Variants in ETV5 observed in about 807,000 individuals in gnomAD.
ETV5 encodes ETS translocation variant 5.
In ETV5, 10 loss-of-function variants were observed where a neutral mutation model predicts 70.0. The ratio of observed to expected loss-of-function variants is 0.14; its 90% CI spans 0.09 to 0.24. The LOEUF (loss-of-function observed/expected upper bound fraction) is 0.24. Among genes scored for constraint, ETV5 ranks in the 10% least tolerant of loss-of-function variants. The probability of loss-of-function intolerance (pLI) is 1.00; values close to 1 mark genes in which losing one functional copy is unlikely to be tolerated. For missense variants in ETV5, 453 were observed against 651.2 expected (o/e 0.70, Z 3.31); for synonymous variants, 216 against 242.2 (o/e 0.89, Z 1.01).
chr3:186,091,636 G>T (rs1289110099), intron 5 of ETV5, among the ~76,000 whole-genome samples: 1 of 152,206 alleles, frequency 6.6e-6, no homozygotes, highest in African/African-American at 2.4e-5. Flanking sequence ...GAGGCTTCAG[G>T]AACTGGTGTG....
chr3:186,108,481 G>A lies in ETV5; in HGVS notation c.-75+459C>T, dbSNP rs1046599244. On this transcript the variant is annotated intron_variant, in intron 1 of 12. Transcript: ENST00000306376. ...CCTGTGTCATTTACCCCCTCCCGGTGCTCTGGGGGGCAGCGCCTCTCAGAC... is the reference window on the plus strand; with the variant it reads ...CCTGTGTCATTTACCCCCTCCCGGTACTCTGGGGGGCAGCGCCTCTCAGAC... The A allele has an allele frequency of 2.3e-5, 29 of 1,276,406 alleles. No individual in the cohort carries two copies. The Admixed American group carries it at 2.8e-4, about 12-fold the overall frequency. The allele number at this position is 1,276,406 out of a possible 1,614,324, so 79.1% of individuals were successfully genotyped here.
At chr3:186,089,840 C>T (rs1485858221) in intron 5 of ETV5, among the ~76,000 whole-genome samples, 1 of 152,162 alleles carries the variant, frequency 6.6e-6, no homozygotes, top group African/African-American at 2.4e-5. Context: ...CCATTATCAA[C>T]ATTGCTAAAG....
intron 1 of ETV5, chr3:186,108,715 C>T: frequency 9.0e-7 from 1 of 1,115,172 alleles, no homozygotes; most frequent in Non-Finnish European, 1.1e-6. Flanking sequence ...CCGCTCTCCC[C>T]GCGCTCCGGA....
chr3:186,099,431 A>G (rs964009755), intron 5 of ETV5, among the ~76,000 whole-genome samples: 2 of 152,230 alleles, frequency 1.3e-5, no homozygotes, highest in Admixed American at 6.5e-5. Context: ...CAAGCCTCTG[A>G]GCTCCTTGGA....
chr3:186,103,082 C>A (rs1714497637), intron 5 of ETV5, among the ~76,000 whole-genome samples: 1 of 152,116 alleles, frequency 6.6e-6, no homozygotes, highest in African/African-American at 2.4e-5. Flanking sequence ...ATTAGAAGAC[C>A]TTTTCTAGGC....
Position 186,047,872 on chromosome 3 carries a change from A to C in ETV5, c.*767T>G, listed in dbSNP as rs1484522484. Reference sequence around the variant, plus strand: ...AAACTGTTTTTCCAAAACAACCACCAAAACAAAACAATCCCCCAAATCAGG... The same window carrying C: ...AAACTGTTTTTCCAAAACAACCACCCAAACAAAACAATCCCCCAAATCAGG... On this transcript the variant is annotated 3_prime_UTR_variant, in exon 13 of 13. Transcript: ENST00000306376. The C allele has an allele frequency of 4.7e-5, 11 of 233,564 alleles. No homozygotes were observed. The highest frequency in any genetic ancestry group is 2.4e-4 in the African/African-American group (11 of 45,372). The allele number at this position is 233,564 out of a possible 1,614,324, so 14.5% of individuals were successfully genotyped here. A position where few individuals can be genotyped will look rare whatever the true frequency, so the allele number is the denominator to read the frequency against.
At chr3:186,093,032 T>C (rs1012750147) in intron 5 of ETV5, among the ~76,000 whole-genome samples, 3 of 152,198 alleles carry the variant, frequency 2.0e-5, no homozygotes, top group South Asian at 2.1e-4. Flanking sequence ...ACCAGTGTTA[T>C]GATATTTTAT....
intron 1 of ETV5, chr3:186,108,733 GC>G: frequency 9.7e-7 from 1 of 1,030,692 alleles, no homozygotes; most frequent in Non-Finnish European, 1.2e-6. Context: ...GGAACCGTTA[GC>G]CGCACCCGCC....
intron 5 of ETV5, among the ~76,000 whole-genome samples, chr3:186,101,577 T>C (rs898396349): frequency 2.0e-5 from 3 of 152,220 alleles, no homozygotes; most frequent in African/African-American, 7.2e-5. Context: ...GAGTGCTGAA[T>C]TGGACAGCCA....
chr3:186,071,036 T>C (rs908219913), intron 7 of ETV5, among the ~76,000 whole-genome samples: 2 of 152,176 alleles, frequency 1.3e-5, no homozygotes. Flanking sequence ...TTTAAAGAAC[T>C]AGTTATTTAT....
At chr3:186,063,218 G>C (rs1252350647) in intron 9 of ETV5, among the ~76,000 whole-genome samples, 1 of 151,988 alleles carries the variant, frequency 6.6e-6, no homozygotes, top group Non-Finnish European at 1.5e-5. Flanking sequence ...TGCAGTGAGC[G>C]GAGATCATGC....
intron 1 of ETV5, among the ~76,000 whole-genome samples, chr3:186,108,132 C>T (rs1714640254): frequency 6.7e-6 from 1 of 150,244 alleles, no homozygotes. Context: ...CCCCCACCCC[C>T]AACATCTCTC....
In ETV5 at chr3:186,065,830, T is replaced by A. The variant is rs1713428019; in HGVS notation, c.893A>T (p.Asp298Val). The change falls in exon 8 of 13, where the codon GAT becomes GTT. Residue 298 changes from aspartate to valine, a missense_variant. Physicochemically the swap from Asp to Val is radical, Grantham distance 152. Transcript: ENST00000306376. ...SPMGIKQEPRDYCVDSEVPNC... is the reference protein window; with the variant it reads ...SPMGIKQEPRVYCVDSEVPNC... Reference sequence around the variant, plus strand: ...ATGCTGACCTGAATCGACGCAGTAATCCCGAGGCTCCTGCTTGATTCCCAT... The same window carrying A: ...ATGCTGACCTGAATCGACGCAGTAAACCCGAGGCTCCTGCTTGATTCCCAT... 2 of 1,613,988 alleles carry A rather than the reference T, an allele frequency of 1.2e-6. No homozygotes were observed. The highest frequency in any genetic ancestry group is 1.7e-6 in the Non-Finnish European group (2 of 1,180,032).
At chr3:186,073,454 C>T (rs1205075196) in intron 7 of ETV5, among the ~76,000 whole-genome samples, 1 of 152,138 alleles carries the variant, frequency 6.6e-6, no homozygotes, top group Non-Finnish European at 1.5e-5. Flanking sequence ...TGAGTGCCTG[C>T]CTGAGGTCAC....
intron 5 of ETV5, among the ~76,000 whole-genome samples, chr3:186,094,705 T>G (rs1351416092): frequency 2.6e-5 from 4 of 152,230 alleles, no homozygotes; most frequent in African/African-American, 9.6e-5. Context: ...GCTCAAGTAT[T>G]AGCACATACG....
rs10534124 is a variant in ETV5 at position 186,103,620 on chromosome 3, AACACACACACACACACAC to A, written c.232+1667_232+1684del. The stretch of plus-strand genomic sequence containing the variant: ...TACAAACCCTGTCTTTCATCTTGCA[AACACACACACACACACAC>A]ACACACACACACACACACACACACA... On this transcript the variant is annotated intron_variant, in intron 5 of 12. Coordinates refer to ENST00000306376, the MANE Select transcript of ETV5 (RefSeq NM_004454.3). 8.8e-3 allele frequency among the ~76,000 whole-genome samples: 1,256 copies of A among 142,956 alleles called. 36 individuals are homozygous for A. The highest frequency in any genetic ancestry group is 0.041 in the Admixed American group (596 of 14,606). The allele number at this position is 142,956 out of a possible 152,430, so 93.8% of individuals were successfully genotyped here.
In ETV5 at chr3:186,105,635, G is replaced by A. The variant is rs529743588; in HGVS notation, c.123C>T (p.His41=). The A allele has an allele frequency of 1.9e-6, 3 of 1,614,186 alleles. No individual in the cohort carries two copies. The highest frequency in any genetic ancestry group is 2.2e-5 in the East Asian group (1 of 44,888). ...KRKFLDTDLA[H]DSEELFQDLS... is the part of the protein sequence containing the mutation. ...GGAAAGCTTTACTACCTTCAGAATCGTGAGCCAGATCTGTGTCCAAAAACT... is the reference window on the plus strand; with the variant it reads ...GGAAAGCTTTACTACCTTCAGAATCATGAGCCAGATCTGTGTCCAAAAACT... Residue 41 remains histidine (H), a synonymous_variant, in exon 3 of 13, where the codon CAC becomes CAT. Transcript: ENST00000306376. The surrounding 1 kb of genome is among the most constrained non-coding windows in gnomAD (Gnocchi z 4.5).
At chr3:186,081,863 G>T (rs146882611) in intron 5 of ETV5, among the ~76,000 whole-genome samples, 5 of 152,324 alleles carry the variant, frequency 3.3e-5, no homozygotes, top group Non-Finnish European at 7.3e-5. Context: ...CTGTCTCAGT[G>T]ACCGACCAGC....
rs1349903167 is a variant in ETV5, at chr3:186,080,941, CA to C, written c.362+104del. ...GCCATGAAAGAAGGATATGTTTTAC[CA>C]CAGGGTCTGCTGGGTAAGTAACACT... On this transcript the variant is annotated intron_variant, in intron 6 of 12. Coordinates refer to ENST00000306376, the MANE Select transcript of ETV5 (RefSeq NM_004454.3). 5 of 1,375,432 alleles carry C rather than the reference CA, an allele frequency of 3.6e-6. No individual in the cohort carries two copies. The African/African-American group carries it at 7.2e-5, about 20-fold the overall frequency. The allele number at this position is 1,375,432 out of a possible 1,614,324, so 85.2% of individuals were successfully genotyped here.
Sources: gnomAD v4.1 joint callset for allele counts (sites outside exome capture counted in the v4.1 genomes callset) on GRCh38, gnomAD v4.1.1 for gene constraint, Gnocchi (gnomAD v3.1) non-coding constraint, MANE v1.5 for transcripts, NCBI Gene and HGNC (gene_info 2026-07-23, HGNC 2026-07-21) for gene names.